The following HSF2 variants were observed in gnomAD, a reference collection of about 807,000 sequenced individuals.
HSF2 encodes the protein heat shock factor protein 2.
In HSF2, 21 loss-of-function variants were observed where a neutral mutation model predicts 65.0. That is an observed-to-expected ratio of 0.32 (90% confidence interval 0.23 to 0.47). The LOEUF (loss-of-function observed/expected upper bound fraction) is 0.47, where lower values mean the gene tolerates loss of function less well. Ranked by LOEUF, HSF2 falls within the 20% of genes least tolerant of loss-of-function variation. HSF2 has a pLI of 1.00. For synonymous variants in HSF2, 225 were observed against 219.1 expected (o/e 1.03, Z -0.24); for missense variants, 499 against 628.1 (o/e 0.79, Z 2.20).
chr6:122,403,079 C>T (rs1377699286), intron 1 of HSF2, among the ~76,000 whole-genome samples: 1 of 151,738 alleles, frequency 6.6e-6, no homozygotes, highest in African/African-American at 2.4e-5. Flanking sequence ...AAAAAAAACT[C>T]TTACCAATTG....
In HSF2 at chr6:122,420,218, A is replaced by C. The variant is rs1774203397; in HGVS notation, c.677A>C (p.His226Pro). 1.9e-6 allele frequency: 3 copies of C among 1,591,938 alleles called. No individual in the cohort carries two copies. Among genetic ancestry groups the C allele is most frequent in the Middle Eastern group, 1.8e-4 (1 of 5,714 alleles). Residue 226 changes from histidine to proline, a missense_variant, in exon 7 of 13, where the codon CAT becomes CCT. Coordinates refer to ENST00000368455, the MANE Select transcript of HSF2 (RefSeq NM_004506.4). ...AAAGAACCAACTGATAATCATCATC[A>C]TAAAGTAATTTTTTAGTTAGGGTCT... ...IVKEPTDNHH[H>P]KVPHSRTEGL...
chr6:122,422,324 A>G (rs1774254427), intron 8 of HSF2, 26 bp downstream of exon 8: 1 of 1,499,244 alleles, frequency 6.7e-7, no homozygotes, highest in Non-Finnish European at 9.2e-7. Flanking sequence ...GATAAAATGT[A>G]TGAAAATATT....
At chr6:122,426,354 A>G (rs1475820895) in intron 10 of HSF2, among the ~76,000 whole-genome samples, 1 of 152,048 alleles carries the variant, frequency 6.6e-6, no homozygotes, top group Non-Finnish European at 1.5e-5. Context: ...CAGCTTATAT[A>G]TGATCTACTT....
intron 4 of HSF2, among the ~76,000 whole-genome samples, chr6:122,415,173 AAG>A (rs1371781348): frequency 3.9e-5 from 6 of 152,240 alleles, no homozygotes; most frequent in Non-Finnish European, 8.8e-5. Flanking sequence ...TCAATTAAAA[AAG>A]GTGAACGAAG....
intron 4 of HSF2, among the ~76,000 whole-genome samples, chr6:122,415,674 T>A (rs1774109891): frequency 6.6e-6 from 1 of 152,122 alleles, no homozygotes; most frequent in Admixed American, 6.5e-5. Flanking sequence ...TGTCTTAAGT[T>A]TCTGTGTATC....
intron 1 of HSF2, among the ~76,000 whole-genome samples, chr6:122,403,355 C>A (rs940550284): frequency 6.6e-6 from 1 of 152,134 alleles, no homozygotes; most frequent in African/African-American, 2.4e-5. Flanking sequence ...CCTGTAATCC[C>A]AGCACTTTGG....
At chr6:122,422,559 T>C (rs1774260069) in intron 8 of HSF2, among the ~76,000 whole-genome samples, 159 bp from the exon 9 acceptor site, 8 of 152,216 alleles carry the variant, frequency 5.3e-5, no homozygotes, top group Admixed American at 5.2e-4. Flanking sequence ...TGGTCTTCTA[T>C]ACTATGAAGT....
intron 3 of HSF2, 31 bp from the exon 4 acceptor site, chr6:122,413,494 T>C (rs1467290583): frequency 6.7e-7 from 1 of 1,496,690 alleles, no homozygotes; most frequent in Non-Finnish European, 9.2e-7. Flanking sequence ...GTTTACTGTT[T>C]CTTTGATTTT....
At chr6:122,409,974 T>A (rs1032662135) in intron 1 of HSF2, among the ~76,000 whole-genome samples, 2 of 151,984 alleles carry the variant, frequency 1.3e-5, no homozygotes, top group Admixed American at 1.3e-4. Flanking sequence ...AATTCTCAGA[T>A]AGATTTGCTG....
intron 10 of HSF2, 96 bp downstream of exon 10, chr6:122,423,782 G>A (rs1774285941): frequency 1.8e-6 from 1 of 570,176 alleles, no homozygotes; most frequent in Admixed American, 3.2e-5. Flanking sequence ...TATTCTACAG[G>A]TTGTTTTTGC....
chr6:122,430,695 A>T (rs1224219159), intron 11 of HSF2, among the ~76,000 whole-genome samples: 1 of 152,168 alleles, frequency 6.6e-6, no homozygotes, highest in Non-Finnish European at 1.5e-5. Context: ...CAGCATGTAG[A>T]TCTGGGACTT....
intron 11 of HSF2, among the ~76,000 whole-genome samples, chr6:122,430,793 G>C (rs73539092): frequency 1.4e-3 from 212 of 152,194 alleles, no homozygotes; most frequent in African/African-American, 4.9e-3. Flanking sequence ...ATTAACAATG[G>C]TAAAGATATA....
rs565977098 is a variant in HSF2 at position 122,403,741 on chromosome 6, A to G, written c.93+3911A>G. 5.9e-5 allele frequency among the ~76,000 whole-genome samples: 9 copies of G among 152,304 alleles called. No individual in the cohort carries two copies. The South Asian group carries it at 6.2e-4, about 11-fold the overall frequency. The stretch of plus-strand genomic sequence containing the variant: ...ATTTCCTTTAAATGTAAAATTTTAT[A>G]TAACTGTTCTTGGCTTTGGTAGTCT... On this transcript the variant is annotated intron_variant, in intron 1 of 12. Transcript: ENST00000368455.
At chr6:122,399,925 C>A in intron 1 of HSF2, 95 bp downstream of exon 1, 1 of 964,506 alleles carries the variant, frequency 1.0e-6, no homozygotes, top group Non-Finnish European at 1.6e-6. Context: ...TGCGGCTCGA[C>A]GCTGTCTGCG....
In HSF2 at chr6:122,416,604, A is replaced by G. The variant is rs114361685; in HGVS notation, c.531+308A>G. 9.9e-3 allele frequency among the ~76,000 whole-genome samples: 1,510 copies of G among 152,340 alleles called. 22 individuals are homozygous for G. Among genetic ancestry groups the G allele is most frequent in the African/African-American group, 0.034 (1,415 of 41,578 alleles). ...TTTTTATGAGCATAATGAATACACTACCAATTTCTTTTAAAATTAGAAAAC... is the reference window on the plus strand; with the variant it reads ...TTTTTATGAGCATAATGAATACACTGCCAATTTCTTTTAAAATTAGAAAAC... On this transcript the variant is annotated intron_variant, in intron 5 of 12. Transcript: ENST00000368455.
intron 4 of HSF2, among the ~76,000 whole-genome samples, chr6:122,414,295 G>A (rs1240063402): frequency 6.6e-6 from 1 of 152,140 alleles, no homozygotes; most frequent in African/African-American, 2.4e-5. Flanking sequence ...TTAGTAAGTA[G>A]CTGGAATTTT....
intron 4 of HSF2, among the ~76,000 whole-genome samples, chr6:122,415,193 T>G (rs571710002): frequency 2.6e-5 from 4 of 152,340 alleles, no homozygotes; most frequent in African/African-American, 9.6e-5. Flanking sequence ...AAGAAGAAGC[T>G]ATTCATATTT....
Position 122,412,484 on chromosome 6 carries a change from G to T in HSF2, c.202+3G>T. 1 of 1,576,314 alleles carries T rather than the reference G, an allele frequency of 6.3e-7. No individual in the cohort carries two copies. Among genetic ancestry groups the T allele is most frequent in the Non-Finnish European group, 8.7e-7 (1 of 1,145,882 alleles). On this transcript the variant is annotated splice_donor_region_variant and intron_variant, in intron 2 of 12. Transcript: ENST00000368455. ...CTTTGTGAGGCAACTGAATATGTGT[G>T]AGTATGGACAGCAGTTTATTGGAGT...
chr6:122,399,816 A>T lies in HSF2; in HGVS notation c.79A>T (p.Ile27Phe). The part of the protein sequence containing the change: ...LVEETHTNEF[I>F]TWSQNGQSFL... ...GGAGGAAACCCACACTAACGAGTTCATCACCTGGAGCCAGGTACGGTCAGG... is the reference window on the plus strand; with the variant it reads ...GGAGGAAACCCACACTAACGAGTTCTTCACCTGGAGCCAGGTACGGTCAGG... The change falls in exon 1 of 13, where the codon ATC becomes TTC. Residue 27 changes from isoleucine to phenylalanine, a missense_variant. Physicochemically the swap from Ile to Phe is conservative, Grantham distance 21. Coordinates refer to ENST00000368455, the MANE Select transcript of HSF2 (RefSeq NM_004506.4). The T allele has an allele frequency of 6.2e-7, 1 of 1,611,874 alleles. No individual in the cohort carries two copies. Among genetic ancestry groups the T allele is most frequent in the Non-Finnish European group, 8.5e-7 (1 of 1,179,102 alleles).
Sources: gnomAD v4.1 joint callset for allele counts (sites outside exome capture counted in the v4.1 genomes callset) on GRCh38, gnomAD v4.1.1 for gene constraint, MANE v1.5 for transcripts, NCBI Gene and HGNC (gene_info 2026-07-23, HGNC 2026-07-21) for gene names.